The following UBE3D variants were observed in gnomAD, a reference collection of about 807,000 sequenced individuals.
The protein encoded by UBE3D is ubiquitin protein ligase E3D, also known as E3 ubiquitin-protein ligase E3D.
Under a neutral mutation model 49.6 loss-of-function variants are expected in UBE3D, and 48 were observed. The observed-to-expected ratio is 0.97, with a 90% confidence interval of 0.77 to 1.23. UBE3D has a LOEUF of 1.23. Among genes scored for constraint, UBE3D ranks in the 50% most tolerant of loss-of-function variants. The probability of loss-of-function intolerance (pLI) is 0.00; values close to 1 mark genes in which losing one functional copy is unlikely to be tolerated. For missense variants in UBE3D, 452 were observed against 468.4 expected (o/e 0.96, Z 0.32); for synonymous variants, 189 against 174.2 (o/e 1.08, Z -0.67).
Position 83,044,433 on chromosome 6 carries a change from T to A in UBE3D, c.592A>T (p.Lys198Ter). ...MCCVSSDNHC[K>*]LEPKANTKVI... ...ATTTTGAAATGATATTTTACCAATTTACAATGGTTGTCAGAAGAAACACAG... is the reference window on the plus strand; with the variant it reads ...ATTTTGAAATGATATTTTACCAATTAACAATGGTTGTCAGAAGAAACACAG... Residue 198 changes from lysine (K) to a stop codon, truncating the protein, a stop_gained, in exon 4 of 10, where the codon AAA (lysine) becomes TAA (stop). Transcript: ENST00000369747. LOFTEE classifies it high-confidence loss of function. 1.2e-6 allele frequency: 2 copies of A among 1,613,840 alleles called. No individual in the cohort carries two copies. Among genetic ancestry groups the A allele is most frequent in the Non-Finnish European group, 1.7e-6 (2 of 1,179,762 alleles).
intron 9 of UBE3D, among the ~76,000 whole-genome samples, chr6:82,942,149 A>T (rs1425034694): frequency 6.6e-6 from 1 of 152,238 alleles, no homozygotes; most frequent in Admixed American, 6.5e-5. Flanking sequence ...AATGAAGTCC[A>T]GGCTGAGGTG....
At chr6:82,985,614 G>A (rs1296592350) in intron 8 of UBE3D, among the ~76,000 whole-genome samples, 4 of 152,072 alleles carry the variant, frequency 2.6e-5, no homozygotes, top group East Asian at 1.9e-4. Flanking sequence ...CACCCGCCTC[G>A]GCCTCACAAA....
intron 8 of UBE3D, among the ~76,000 whole-genome samples, chr6:82,971,223 G>A (rs911612932): frequency 6.6e-6 from 1 of 151,762 alleles, no homozygotes; most frequent in African/African-American, 2.4e-5. Flanking sequence ...AACCATTTAG[G>A]AAAAGTTTTC....
At chr6:82,945,715 T>C (rs1775353779) in intron 9 of UBE3D, among the ~76,000 whole-genome samples, 1 of 152,174 alleles carries the variant, frequency 6.6e-6, no homozygotes, top group Non-Finnish European at 1.5e-5. Flanking sequence ...TGCGACTTTT[T>C]AGACAGACAA....
intron 9 of UBE3D, among the ~76,000 whole-genome samples, chr6:82,917,216 A>G (rs903743933): frequency 1.3e-5 from 2 of 152,200 alleles, no homozygotes; most frequent in Non-Finnish European, 2.9e-5. Flanking sequence ...CTGGGAAGAA[A>G]GAAGGAAGGG....
chr6:82,969,705 T>C (rs1777210067), intron 8 of UBE3D, among the ~76,000 whole-genome samples: 1 of 151,786 alleles, frequency 6.6e-6, no homozygotes, highest in African/African-American at 2.4e-5. Flanking sequence ...AAACAAGACA[T>C]GAAAAAATGG....
At chr6:82,988,394 C>T (rs974017100) in intron 8 of UBE3D, among the ~76,000 whole-genome samples, 6 of 152,050 alleles carry the variant, frequency 3.9e-5, no homozygotes, top group South Asian at 2.1e-4. Flanking sequence ...ATTATGAATT[C>T]GGTTAGAACT....
downstream of UBE3D, among the ~76,000 whole-genome samples, chr6:82,890,705 G>T (rs998425155): frequency 2.9e-4 from 44 of 152,264 alleles, no homozygotes; most frequent in African/African-American, 9.4e-4. Context: ...GCCCAAGGAA[G>T]AGGTGAAATG....
intron 8 of UBE3D, among the ~76,000 whole-genome samples, chr6:82,988,708 C>T (rs1199130990): frequency 6.6e-6 from 1 of 152,056 alleles, no homozygotes; most frequent in African/African-American, 2.4e-5. Flanking sequence ...CTGCCATGTG[C>T]CATTTCCTTT....
chr6:83,024,125 A>G, intron 5 of UBE3D, 87 bp from the exon 6 acceptor site: 1 of 633,492 alleles, frequency 1.6e-6, no homozygotes, highest in Non-Finnish European at 2.6e-6. Context: ...GGATATTCCA[A>G]ACTAAATATT....
Position 83,065,758 on chromosome 6 carries a change from C to G in UBE3D, c.-40G>C, listed in dbSNP as rs367671631. On this transcript the variant is annotated 5_prime_UTR_variant, in exon 1 of 10. Coordinates refer to ENST00000369747, the MANE Select transcript of UBE3D (RefSeq NM_198920.3). ...CCCAGACCGGACCAAGCTGGAGGTT[C>G]CGAGGGGCCCGGGTCAACAGGACCA... is the stretch of plus-strand genomic sequence containing the variant. 3.2e-6 allele frequency: 5 copies of G among 1,576,090 alleles called. No homozygotes were observed. The African/African-American group carries it at 6.8e-5, about 21-fold the overall frequency.
intron 8 of UBE3D, among the ~76,000 whole-genome samples, chr6:83,011,115 C>A (rs1460791543): frequency 6.6e-6 from 1 of 152,156 alleles, no homozygotes; most frequent in Admixed American, 6.6e-5. Flanking sequence ...CAATCCCCAA[C>A]CCTCTATTCC....
chr6:83,017,724 A>C (rs1780791669), intron 8 of UBE3D: 1 of 152,178 alleles, frequency 6.6e-6, no homozygotes, highest in Admixed American at 6.5e-5. Flanking sequence ...CAAAATTTTA[A>C]ATGTCCATAC....
At chr6:83,023,660 C>G (rs1197087662) in intron 6 of UBE3D, among the ~76,000 whole-genome samples, 2 of 151,940 alleles carry the variant, frequency 1.3e-5, no homozygotes, top group Non-Finnish European at 2.9e-5. Flanking sequence ...GTATGTTCTC[C>G]TTCATAAGTG....
intron 5 of UBE3D, among the ~76,000 whole-genome samples, chr6:83,026,051 G>C (rs768955276): frequency 7.9e-5 from 12 of 151,962 alleles, no homozygotes; most frequent in Non-Finnish European, 1.8e-4. Flanking sequence ...TCTAAAAATT[G>C]AGGATGGGTT....
intron 9 of UBE3D, among the ~76,000 whole-genome samples, chr6:82,923,829 T>A (rs1326706259): frequency 6.6e-6 from 1 of 152,278 alleles, no homozygotes; most frequent in African/African-American, 2.4e-5. Context: ...CATGACCAAG[T>A]TAAGTTTAAC....
At chr6:82,904,468 C>A (rs1312055940) in intron 9 of UBE3D, among the ~76,000 whole-genome samples, 4 of 152,134 alleles carry the variant, frequency 2.6e-5, no homozygotes, top group African/African-American at 9.7e-5. Flanking sequence ...TGAATGCCTC[C>A]CCGACATTTA....
intron 6 of UBE3D, 24 bp downstream of exon 6, chr6:83,023,945 A>G (rs1258368155): frequency 1.4e-6 from 2 of 1,401,524 alleles, no homozygotes. Flanking sequence ...TTACAAATAA[A>G]TAAATGTAAT....
At chr6:82,902,904 A>G (rs1771840081) in intron 9 of UBE3D, among the ~76,000 whole-genome samples, 1 of 152,200 alleles carries the variant, frequency 6.6e-6, no homozygotes, top group African/African-American at 2.4e-5. Context: ...TATCTAATTT[A>G]ATTCTACCCA....
Sources: allele counts gnomAD v4.1 joint callset (sites outside exome capture counted in the v4.1 genomes callset), GRCh38; gene constraint gnomAD v4.1.1; transcripts MANE v1.5; gene names NCBI Gene and HGNC (gene_info 2026-07-23, HGNC 2026-07-21).